Variants in PIGB observed in about 807,000 individuals in gnomAD.
PIGB encodes the protein phosphatidylinositol glycan anchor biosynthesis class B.
A neutral mutation model predicts 68.4 loss-of-function variants in PIGB; 58 were observed. The observed-to-expected ratio is 0.85, with a 90% CI of 0.69 to 1.06. The LOEUF (loss-of-function observed/expected upper bound fraction) is 1.06, where lower values mean the gene tolerates loss of function less well. Among genes scored for constraint, PIGB ranks in the 50% least tolerant of loss-of-function variants. The pLI, the probability that PIGB is intolerant of heterozygous loss-of-function variation, is 0.00. For missense variants in PIGB, 634 were observed against 655.8 expected, an observed-to-expected ratio of 0.97 and a Z score of 0.36; for synonymous variants, 219 against 220.5, an observed-to-expected ratio of 0.99 and a Z score of 0.06.
At chr15:55,341,342 C>G (rs2055666094) in intron 8 of PIGB, among the ~76,000 whole-genome samples, 1 of 152,270 alleles carries the variant, frequency 6.6e-6, no homozygotes, top group Admixed American at 6.5e-5. Context: ...GTCTGGGTGA[C>G]AAAACAAGAC....
rs568073863 is a variant in PIGB, at chr15:55,343,959, G to C, written c.1123+2157G>C. Among the ~76,000 whole-genome samples the C allele has an allele frequency of 1.6e-4, 25 of 152,236 alleles. No homozygotes were observed. In the South Asian group the frequency reaches 4.6e-3, roughly 28 times the overall value. ...CTAGACAGAAATCTCTGGACATTTAGAACAGTTCTCTTTGGAGCTCTTGAT... is the reference window on the plus strand; with the variant it reads ...CTAGACAGAAATCTCTGGACATTTACAACAGTTCTCTTTGGAGCTCTTGAT... On this transcript the variant is annotated intron_variant, in intron 9 of 11. Transcript: ENST00000164305.
chr15:55,351,972 G>C (rs985439482), intron 10 of PIGB: 5 of 148,330 alleles, frequency 3.4e-5, no homozygotes, highest in African/African-American at 5.1e-5. Flanking sequence ...TTTTTAGATG[G>C]AGTTTTGCTC....
intron 3 of PIGB, among the ~76,000 whole-genome samples, chr15:55,326,788 G>T (rs1429201567): frequency 1.3e-5 from 2 of 152,170 alleles, no homozygotes; most frequent in Non-Finnish European, 2.9e-5. Context: ...AGTGAGCCGC[G>T]GTTGCGCCAC....
Position 55,320,606 on chromosome 15 carries a change from C to T in PIGB, c.299+196C>T, listed in dbSNP as rs553747849. ...TTTATATATGTAAAAAATACACACACGCTTATGATAAAGTTTATACAAATT... is the reference window on the plus strand; with the variant it reads ...TTTATATATGTAAAAAATACACACATGCTTATGATAAAGTTTATACAAATT... On this transcript the variant is annotated intron_variant, in intron 2 of 11. Transcript: ENST00000164305. Among the ~76,000 whole-genome samples the T allele has an allele frequency of 2.4e-4, 36 of 152,124 alleles. 1 individual carries two copies. Among genetic ancestry groups the T allele is most frequent in the African/African-American group, 8.2e-4 (34 of 41,512 alleles).
intron 9 of PIGB, among the ~76,000 whole-genome samples, chr15:55,349,300 A>T (rs933901630): frequency 6.6e-6 from 1 of 152,008 alleles, no homozygotes; most frequent in African/African-American, 2.4e-5. Flanking sequence ...CTCCTGCCTC[A>T]GCCTTCCCAG....
intron 4 of PIGB, among the ~76,000 whole-genome samples, chr15:55,329,282 C>G (rs2055360850): frequency 6.6e-6 from 1 of 150,666 alleles, no homozygotes; most frequent in Non-Finnish European, 1.5e-5. Context: ...GGAGACATTC[C>G]AAACAAGTGC....
chr15:55,324,046 C>A (rs1397445338), intron 3 of PIGB, among the ~76,000 whole-genome samples: 2 of 152,158 alleles, frequency 1.3e-5, no homozygotes, highest in East Asian at 3.9e-4. Flanking sequence ...TGCCACCACA[C>A]CTGGCTAATT....
chr15:55,350,589 A>G (rs1595804818), intron 9 of PIGB, 110 bp from the exon 10 acceptor site: 4 of 721,332 alleles, frequency 5.5e-6, no homozygotes, highest in East Asian at 4.9e-5. Flanking sequence ...TTATTTGTCT[A>G]TAACAGTATT....
intron 5 of PIGB, among the ~76,000 whole-genome samples, chr15:55,333,586 G>C (rs1255503272): frequency 6.6e-6 from 1 of 152,128 alleles, no homozygotes. Flanking sequence ...CAAAAAATTA[G>C]TCGGGCATGG....
intron 9 of PIGB, among the ~76,000 whole-genome samples, chr15:55,347,959 A>G (rs1456626703): frequency 8.1e-6 from 1 of 123,372 alleles, no homozygotes; most frequent in East Asian, 2.5e-4. Context: ...CACCTATACT[A>G]TTGTATTCCT....
In PIGB at chr15:55,321,276, T is replaced by C. The variant is rs979067591; in HGVS notation, c.303T>C (p.Tyr101=). ...ATTTACTCCTTAATGTTACTAATTA[T>C]GGTTATTTGACTTGGGAATGGACAG... is the stretch of plus-strand genomic sequence containing the variant. ...LEVSHHMVFN[Y]GYLTWEWTER... is the part of the protein sequence containing the mutation. Residue 101 remains tyrosine (Y), a synonymous_variant, in exon 3 of 12, where the codon TAT becomes TAC. Coordinates refer to ENST00000164305, the MANE Select transcript of PIGB (RefSeq NM_004855.5). 6.3e-7 allele frequency: 1 copy of C among 1,598,450 alleles called. No homozygotes were observed. The highest frequency in any genetic ancestry group is 1.3e-5 in the African/African-American group (1 of 74,260).
chr15:55,319,471 C>A, intron 1 of PIGB, 58 bp downstream of exon 1: 1 of 1,324,638 alleles, frequency 7.5e-7, no homozygotes, highest in Non-Finnish European at 1.0e-6. Context: ...GAACCCCCTC[C>A]ATTTCATTAC....
intron 9 of PIGB, among the ~76,000 whole-genome samples, chr15:55,344,285 G>T (rs912726277): frequency 7.9e-5 from 12 of 152,228 alleles, no homozygotes; most frequent in Non-Finnish European, 1.8e-4. Context: ...CATGTCTGGG[G>T]TTCAACTAGC....
chr15:55,352,008 G>A (rs2055936901), intron 10 of PIGB: 1 of 152,924 alleles, frequency 6.5e-6, no homozygotes, highest in Non-Finnish European at 1.4e-5. Flanking sequence ...GAGTGCAATG[G>A]CGTGATCTTG....
At chr15:55,339,346 C>A (rs1170749972) in intron 7 of PIGB, 28 bp downstream of exon 7, 14 of 1,397,318 alleles carry the variant, frequency 1.0e-5, no homozygotes, top group Non-Finnish European at 1.4e-5. Context: ...AAGCTAACAG[C>A]TATTTTTATT....
Position 55,320,301 on chromosome 15 carries a change from C to T in PIGB, c.190C>T (p.Leu64Phe), listed in dbSNP as rs1485559880. 6.2e-7 allele frequency: 1 copy of T among 1,612,862 alleles called. No homozygotes were observed. The highest frequency in any genetic ancestry group is 8.5e-7 in the Non-Finnish European group (1 of 1,179,168). ...GDLLGENIYL[L>F]LFTIALRILN... ...TCTTCTTGGAGAAAATATTTATCTG[C>T]TCTTGTTTACCATAGCTTTACGAAT... The change falls in exon 2 of 12, where the codon CTC becomes TTC. Residue 64 changes from leucine (L) to phenylalanine (F), a missense_variant. Coordinates refer to ENST00000164305, the MANE Select transcript of PIGB (RefSeq NM_004855.5).
chr15:55,329,751 A>C lies in PIGB; in HGVS notation c.550A>C (p.Thr184Pro). 6.2e-7 allele frequency: 1 copy of C among 1,610,828 alleles called. No homozygotes were observed. Among genetic ancestry groups the C allele is most frequent in the Non-Finnish European group, 8.5e-7 (1 of 1,178,354 alleles). The stretch of plus-strand genomic sequence containing the variant: ...TTTTTGCCAGTTGTGCTCCTGGTTC[A>C]CATGGTATTGCTGTACCAGAACCCT... Reference protein sequence around the residue: ...VFFCQLCSWFTWYCCTRTLTN... With the variant: ...VFFCQLCSWFPWYCCTRTLTN... The change falls in exon 5 of 12, where the codon ACA becomes CCA. Residue 184 changes from threonine (T) to proline (P), a missense_variant. By Grantham distance (38) the Thr-to-Pro change is conservative. Coordinates refer to ENST00000164305, the MANE Select transcript of PIGB (RefSeq NM_004855.5).
chr15:55,339,187 G>A (rs2055606542), intron 6 of PIGB, 80 bp from the exon 7 acceptor site: 5 of 907,368 alleles, frequency 5.5e-6, no homozygotes. Context: ...TTTGATGCAA[G>A]GCACGTACAA....
In PIGB at chr15:55,320,198, A is replaced by C. The variant is rs911972199; in HGVS notation, c.164-77A>C. The C allele has an allele frequency of 2.8e-6, 4 of 1,418,170 alleles. No individual in the cohort carries two copies. The Admixed American group carries it at 8.2e-5, about 29-fold the overall frequency. The allele number at this position is 1,418,170 out of a possible 1,614,324, so 87.8% of individuals were successfully genotyped here. Reference sequence around the variant, plus strand: ...CTGTGCCTTACAAGGAGCCAACCAGAGCAGCAGATTTTAAGTTTTGCAAGT... The same window carrying C: ...CTGTGCCTTACAAGGAGCCAACCAGCGCAGCAGATTTTAAGTTTTGCAAGT... On this transcript the variant is annotated intron_variant, in intron 1 of 11. Coordinates refer to ENST00000164305, the MANE Select transcript of PIGB (RefSeq NM_004855.5).
Sources: gnomAD v4.1 joint callset for allele counts (sites outside exome capture counted in the v4.1 genomes callset) on GRCh38, gnomAD v4.1.1 for gene constraint, MANE v1.5 for transcripts, NCBI Gene and HGNC (gene_info 2026-07-23, HGNC 2026-07-21) for gene names.